The following CDH23 variants were observed in gnomAD, a reference collection of about 807,000 sequenced individuals.
CDH23 encodes cadherin related 23.
Under a neutral mutation model 317.1 loss-of-function variants are expected in CDH23, and 189 were observed. The ratio of observed to expected loss-of-function variants is 0.60; its 90% CI spans 0.53 to 0.67. CDH23 has a LOEUF of 0.67. CDH23 is among the 30% of genes least tolerant of loss of function. The pLI is 0.00. For synonymous variants in CDH23, 1,839 were observed against 1,876.8 expected (o/e 0.98, Z 0.52); for missense variants, 4,401 against 4,592.4 (o/e 0.96, Z 1.20).
chr10:71,510,866 TG>T, intron 4 of CDH23, 87 bp from the exon 5 acceptor site: 1 of 1,315,662 alleles, frequency 7.6e-7, no homozygotes, highest in Non-Finnish European at 1.1e-6. Context: ...AGGGCAATCC[TG>T]GAGCCCCTCC....
intron 6 of CDH23, among the ~76,000 whole-genome samples, chr10:71,546,877 A>G (rs1856310655): frequency 6.6e-6 from 1 of 152,168 alleles, no homozygotes; most frequent in South Asian, 2.1e-4. Context: ...AGGGGCTAGG[A>G]CACAGTGCTC....
At chr10:71,502,574 CA>C (rs1404003925) in intron 3 of CDH23, among the ~76,000 whole-genome samples, 6 of 152,202 alleles carry the variant, frequency 3.9e-5, no homozygotes, top group African/African-American at 1.4e-4. Flanking sequence ...GAGGTGCAAA[CA>C]ATGAATCCAT....
At chr10:71,753,774 T>C (rs1276783228) in intron 38 of CDH23, 5 of 456,180 alleles carry the variant, frequency 1.1e-5, no homozygotes, top group Admixed American at 2.4e-5. Flanking sequence ...GGGAAACAGA[T>C]GGTGGGGGAG....
intron 41 of CDH23, among the ~76,000 whole-genome samples, chr10:71,780,147 T>G (rs1306511665): frequency 6.6e-6 from 1 of 152,222 alleles, no homozygotes; most frequent in Non-Finnish European, 1.5e-5. Context: ...TCCAAATCTT[T>G]GTGAAACATC....
intron 1 of CDH23, among the ~76,000 whole-genome samples, chr10:71,416,897 A>T (rs183337782): frequency 2.6e-5 from 4 of 152,028 alleles, no homozygotes; most frequent in Non-Finnish European, 5.9e-5. Context: ...CATTCATTTC[A>T]TTGCCTTCTG....
chr10:71,790,108 C>T (rs1474694753), intron 45 of CDH23, among the ~76,000 whole-genome samples, 180 bp from the exon 46 acceptor site: 3 of 152,212 alleles, frequency 2.0e-5, no homozygotes. Context: ...GCTCCCCAGG[C>T]ATCTGCGTTC....
intron 6 of CDH23, among the ~76,000 whole-genome samples, chr10:71,528,660 G>A (rs1855180886): frequency 6.6e-6 from 1 of 152,256 alleles, no homozygotes; most frequent in Non-Finnish European, 1.5e-5. Context: ...AGCAGCCTGG[G>A]AATCCTGATG....
At chr10:71,575,467 G>A (rs768908426) in intron 8 of CDH23, among the ~76,000 whole-genome samples, 33 of 152,198 alleles carry the variant, frequency 2.2e-4, no homozygotes, top group East Asian at 3.9e-4. Context: ...GGATTCGAGC[G>A]CACGCAGTCT....
intron 3 of CDH23, among the ~76,000 whole-genome samples, chr10:71,458,379 G>A (rs1416994786): frequency 6.6e-6 from 1 of 152,214 alleles, no homozygotes; most frequent in African/African-American, 2.4e-5. Context: ...CACAAGGCCT[G>A]GGTTTCAATG....
At chr10:71,808,432 T>C (rs1486385637) in intron 60 of CDH23, among the ~76,000 whole-genome samples, 1 of 152,114 alleles carries the variant, frequency 6.6e-6, no homozygotes, top group Non-Finnish European at 1.5e-5. Context: ...CTTCCCACTC[T>C]CCCTCCCATA....
At position 71,731,952 on chromosome 10, in the gene CDH23, A is replaced by C. The variant is rs780429577; in HGVS notation, c.3716-35A>C. The C allele has an allele frequency of 1.0e-5, 16 of 1,599,674 alleles. No homozygotes were observed. In the Admixed American group the frequency reaches 1.2e-4, roughly 12 times the overall value. On this transcript the variant is annotated intron_variant, in intron 31 of 69. Transcript: ENST00000224721. ...CCACAGCGCAGCCCCACTCAGTTCT[A>C]TCTGGGACTGCACAGCCTCTGTGTC...
At chr10:71,690,280 C>T (rs551638824) in intron 19 of CDH23, among the ~76,000 whole-genome samples, 188 bp from the exon 20 acceptor site, 17 of 152,256 alleles carry the variant, frequency 1.1e-4, no homozygotes, top group African/African-American at 3.9e-4. Context: ...CCAAGAGCAA[C>T]GATTGAGCCG....
At chr10:71,738,377 G>T in intron 34 of CDH23, 121 bp from the exon 35 acceptor site, 2 of 1,164,294 alleles carry the variant, frequency 1.7e-6, no homozygotes, top group Non-Finnish European at 2.6e-6. Flanking sequence ...GGCTCTGAGG[G>T]TTTGCTGATG....
rs1412796191 is a variant in CDH23 at position 71,442,104 on chromosome 10, T to G, written c.67+2206T>G. On this transcript the variant is annotated intron_variant, in intron 2 of 69. Coordinates refer to ENST00000224721, the MANE Select transcript of CDH23 (RefSeq NM_022124.6). ...GCTTATTAAGTGTTGGCTCCTTTAT[T>G]ATCAGAAGTTATCTTTCTCTAAGGG... 2.6e-5 allele frequency among the ~76,000 whole-genome samples: 4 copies of G among 152,264 alleles called. No homozygotes were observed. In the East Asian group the frequency reaches 7.7e-4, roughly 29 times the overall value.
intron 11 of CDH23, among the ~76,000 whole-genome samples, chr10:71,633,343 A>G (rs914786546): frequency 6.6e-6 from 1 of 152,086 alleles, no homozygotes; most frequent in South Asian, 2.1e-4. Flanking sequence ...AGATAAACAC[A>G]TGCAACTCAT....
chr10:71,811,081 C>CAAAAAAAA (rs35466313), intron 62 of CDH23, among the ~76,000 whole-genome samples: 2 of 67,050 alleles, frequency 3.0e-5, no homozygotes, highest in Admixed American at 1.8e-4. Flanking sequence ...GACTCCATCT[C>CAAAAAAAA]AAAAAAAAAA....
In CDH23 at chr10:71,741,879, C is replaced by A. The variant is rs746321294; in HGVS notation, c.4803C>A (p.His1601Gln). The change falls in exon 38 of 70, where the codon CAC (histidine) becomes CAA (glutamine). Residue 1601 changes from histidine (H) to glutamine (Q), a missense_variant. This residue lies in a region of CDH23 where 3,068 missense variants were observed against 3,203.3 expected (regional missense o/e 0.96). Coordinates refer to ENST00000224721, the MANE Select transcript of CDH23 (RefSeq NM_022124.6). ...ACCGCGAGCGCCAGAGCTTCTACCACCTGGTGGCCACTGTGGAGGACGAGG... is the reference window on the plus strand; with the variant it reads ...ACCGCGAGCGCCAGAGCTTCTACCAACTGGTGGCCACTGTGGAGGACGAGG... The part of the protein sequence containing the change: ...PPDRERQSFY[H>Q]LVATVEDEGT... 1.9e-6 allele frequency: 3 copies of A among 1,609,642 alleles called. No homozygotes were observed. The highest frequency in any genetic ancestry group is 2.5e-6 in the Non-Finnish European group (3 of 1,178,346).
chr10:71,534,258 G>T (rs1005208960), intron 6 of CDH23, among the ~76,000 whole-genome samples: 1 of 152,070 alleles, frequency 6.6e-6, no homozygotes, highest in African/African-American at 2.4e-5. Flanking sequence ...GGTCAGGCTG[G>T]CTCATAAACT....
At chr10:71,398,121 T>C (rs972048824) in intron 1 of CDH23, among the ~76,000 whole-genome samples, 1 of 152,170 alleles carries the variant, frequency 6.6e-6, no homozygotes, top group African/African-American at 2.4e-5. Context: ...TCTGCCTGGC[T>C]TTCTCGGAGC....
Sources: allele counts gnomAD v4.1 joint callset (sites outside exome capture counted in the v4.1 genomes callset), GRCh38; gene constraint gnomAD v4.1.1; regional missense constraint gnomAD v4.1.1; transcripts MANE v1.5; gene names NCBI Gene and HGNC (gene_info 2026-07-23, HGNC 2026-07-21).